MYH15: variants seen among roughly 807,000 people sequenced by gnomAD.
MYH15 encodes myosin-15.
MYH15 carries 227 observed loss-of-function variants against 240.5 expected under a neutral mutation model. The ratio of observed to expected loss-of-function variants is 0.94; its 90% CI spans 0.85 to 1.05. The LOEUF (loss-of-function observed/expected upper bound fraction) is 1.05. MYH15 is among the 50% of genes least tolerant of loss of function. The pLI is 0.00. For missense variants in MYH15, 2,217 were observed against 2,247.5 expected, an observed-to-expected ratio of 0.99 and a Z score of 0.27; for synonymous variants, 785 against 796.7, an observed-to-expected ratio of 0.99 and a Z score of 0.25.
chr3:108,394,035 A>G lies in MYH15; in HGVS notation c.5255T>C (p.Ile1752Thr), dbSNP rs372356011. The G allele has an allele frequency of 8.7e-6, 14 of 1,613,720 alleles. No homozygotes were observed. Among genetic ancestry groups the G allele is most frequent in the Admixed American group, 5.0e-5 (3 of 60,010 alleles). Reference protein sequence around the residue: ...NAEEKAKKAAIEAANLSEELK... With the variant: ...NAEEKAKKAATEAANLSEELK... ...GTACGTGGTCAAGGGACCCACCTCA[A>G]TGGCTGCCTTCTTGGCCTTCTCTTC... Residue 1752 changes from isoleucine to threonine, a missense_variant, in exon 36 of 41, where the codon ATT becomes ACT. Coordinates refer to ENST00000693548, the MANE Select transcript of MYH15 (RefSeq NM_014981.3).
At chr3:108,530,581 GTAATAA>G (rs2083704792), upstream of MYH15, among the ~76,000 whole-genome samples, 2 of 152,144 alleles carry the variant, frequency 1.3e-5, no homozygotes, top group Admixed American at 6.5e-5. Context: ...TGGACTTTGA[GTAATAA>G]TAATGTGTCA....
the MYH15 span, among the ~76,000 whole-genome samples, chr3:108,545,694 T>TACACACACACAC: frequency 1.0e-4 from 15 of 149,050 alleles, no homozygotes; most frequent in African/African-American, 3.7e-4. Context: ...AATATACACA[T>TACACACACACAC]ACACACACAC....
upstream of MYH15, among the ~76,000 whole-genome samples, chr3:108,514,092 A>G (rs2083542211): frequency 6.6e-6 from 1 of 152,170 alleles, no homozygotes; most frequent in Non-Finnish European, 1.5e-5. Context: ...CTTAGCCAAG[A>G]AAGAATCATG....
In MYH15 at chr3:108,410,758, C is replaced by T. The variant is rs2082585794; in HGVS notation, c.4320G>A (p.Gln1440=). 5 of 1,614,052 alleles carry T rather than the reference C, an allele frequency of 3.1e-6. No homozygotes were observed. The highest frequency in any genetic ancestry group is 2.5e-6 in the Non-Finnish European group (3 of 1,180,028). Residue 1440 remains glutamine (Q), a synonymous_variant, in exon 31 of 41, where the codon CAG becomes CAA. Coordinates refer to ENST00000693548, the MANE Select transcript of MYH15 (RefSeq NM_014981.3). ...AAARLDQKQL[Q]SGKALADWKQ... The stretch of plus-strand genomic sequence containing the variant: ...TCCAGTCGGCAAGGGCCTTGCCAGA[C>T]TGCAGCTGCTTCTGGTCCAGCCTGG...
intron 33 of MYH15, among the ~76,000 whole-genome samples, chr3:108,403,886 G>A (rs2082527207): frequency 6.6e-6 from 1 of 151,852 alleles, no homozygotes; most frequent in Non-Finnish European, 1.5e-5. Flanking sequence ...ACATTCAGAT[G>A]TAGCTGACGA....
At chr3:108,425,475 T>C (rs145004061) in intron 27 of MYH15, among the ~76,000 whole-genome samples, 75 of 152,278 alleles carry the variant, frequency 4.9e-4, no homozygotes, top group South Asian at 1.2e-3. Flanking sequence ...AGTAATCTAC[T>C]TAAAAAGTAG....
intron 27 of MYH15, among the ~76,000 whole-genome samples, chr3:108,428,174 C>T (rs909769009): frequency 6.6e-6 from 1 of 152,174 alleles, no homozygotes; most frequent in Admixed American, 6.5e-5. Flanking sequence ...AGTCATTCTT[C>T]AAGACAGACA....
At chr3:108,514,698 G>A (rs2083547238), upstream of MYH15, among the ~76,000 whole-genome samples, 1 of 152,168 alleles carries the variant, frequency 6.6e-6, no homozygotes, top group Admixed American at 6.5e-5. Context: ...GACTGTAGCA[G>A]TGAAGGGAAG....
upstream of MYH15, among the ~76,000 whole-genome samples, chr3:108,512,017 A>G (rs1445184322): frequency 6.6e-6 from 1 of 152,154 alleles, no homozygotes; most frequent in Admixed American, 6.6e-5. Context: ...TTCCTCACCT[A>G]TGTAATGCAA....
At position 108,391,870 on chromosome 3, in the gene MYH15, TC is replaced by T. The variant is rs2082425021; in HGVS notation, c.5319del (p.Thr1774GlnfsTer24). ...ATTGTCTGCTCCATATTTTCTCTTG[TC>T]CTTTCCAAGTGGGCAATGGTGTCTT... is the stretch of plus-strand genomic sequence containing the variant. ...KKQDTIAHLE[R>X]TRENMEQTIT... On this transcript the variant is annotated frameshift_variant, in exon 37 of 41. Coordinates refer to ENST00000693548, the MANE Select transcript of MYH15 (RefSeq NM_014981.3). LOFTEE classifies it high-confidence loss of function. The T allele has an allele frequency of 6.2e-7, 1 of 1,614,180 alleles. No homozygotes were observed. Among genetic ancestry groups the T allele is most frequent in the East Asian group, 2.2e-5 (1 of 44,886 alleles).
chr3:108,397,598 C>T (rs1289651708), intron 35 of MYH15, among the ~76,000 whole-genome samples: 1 of 152,210 alleles, frequency 6.6e-6, no homozygotes, highest in Non-Finnish European at 1.5e-5. Flanking sequence ...GCCCTATAAA[C>T]ACTTATCACA....
At chr3:108,506,109 C>G (rs1465475889) in intron 1 of MYH15, among the ~76,000 whole-genome samples, 1 of 152,112 alleles carries the variant, frequency 6.6e-6, no homozygotes, top group African/African-American at 2.4e-5. Flanking sequence ...CCCCTCCCAA[C>G]CCCAACACTT....
intron 32 of MYH15, among the ~76,000 whole-genome samples, chr3:108,407,568 G>A (rs2107546132): frequency 6.6e-6 from 1 of 152,300 alleles, no homozygotes; most frequent in Admixed American, 6.5e-5. Context: ...GATACAGCCA[G>A]AGACTTTTCC....
Position 108,428,857 on chromosome 3 carries a change from T to C in MYH15, c.3337A>G (p.Lys1113Glu). Reference protein sequence around the residue: ...LQTQIKDLKEKLEAERTTRAK... With the variant: ...LQTQIKDLKEELEAERTTRAK... ...CGAGTGGTCCTTTCAGCTTCTAGTT[T>C]CTCTTTCAAATCCTTTATTTGAGTC... Residue 1113 changes from lysine (K) to glutamate (E), a missense_variant, in exon 27 of 41, where the codon AAA (lysine) becomes GAA (glutamate). Physicochemically the swap from Lys to Glu is moderately conservative, Grantham distance 56 (BLOSUM62 1). Transcript: ENST00000693548. 6.2e-7 allele frequency: 1 copy of C among 1,610,368 alleles called. No homozygotes were observed. Among genetic ancestry groups the C allele is most frequent in the South Asian group, 1.1e-5 (1 of 89,980 alleles).
At chr3:108,460,652 C>T (rs184450064) in intron 16 of MYH15, among the ~76,000 whole-genome samples, 1 of 152,072 alleles carries the variant, frequency 6.6e-6, no homozygotes, top group Non-Finnish European at 1.5e-5. Context: ...AAATGCACAT[C>T]ATAGGAGATT....
intron 1 of MYH15, among the ~76,000 whole-genome samples, chr3:108,507,244 T>TTCACATGA (rs375556540): frequency 1.5e-5 from 1 of 64,900 alleles, no homozygotes; most frequent in Non-Finnish European, 3.8e-5. Context: ...TATATATATA[T>TTCACATGA]ATATATATAT....
chr3:108,420,568 G>A (rs1425575049), intron 28 of MYH15, among the ~76,000 whole-genome samples: 1 of 152,090 alleles, frequency 6.6e-6, no homozygotes, highest in East Asian at 1.9e-4. Context: ...ACAAAGCACA[G>A]CATAGAGGTC....
intron 10 of MYH15, among the ~76,000 whole-genome samples, chr3:108,485,448 G>C (rs1011562620): frequency 5.3e-5 from 8 of 152,220 alleles, no homozygotes; most frequent in Non-Finnish European, 1.0e-4. Context: ...GGCTTGTTTA[G>C]TTCCCAATAG....
chr3:108,447,931 A>G (rs2082941879), intron 21 of MYH15, among the ~76,000 whole-genome samples: 1 of 152,130 alleles, frequency 6.6e-6, no homozygotes, highest in Non-Finnish European at 1.5e-5. Context: ...ATACAATACT[A>G]AAAAATATTA....
Sources: allele counts gnomAD v4.1 joint callset (sites outside exome capture counted in the v4.1 genomes callset), GRCh38; gene constraint gnomAD v4.1.1; transcripts MANE v1.5; gene names NCBI Gene and HGNC (gene_info 2026-07-23, HGNC 2026-07-21).